ATG7: variants seen among roughly 807,000 people sequenced by gnomAD.
ATG7 encodes ubiquitin-like modifier-activating enzyme ATG7.
ATG7 carries 70 observed loss-of-function variants against 82.4 expected under a neutral mutation model. The ratio of observed to expected loss-of-function variants is 0.85; its 90% CI spans 0.70 to 1.04. The LOEUF (loss-of-function observed/expected upper bound fraction) is 1.04, where lower values mean the gene tolerates loss of function less well. Ranked by LOEUF, ATG7 falls within the 50% of genes least tolerant of loss-of-function variation. The pLI, the probability that ATG7 is intolerant of heterozygous loss-of-function variation, is 0.00. For missense variants in ATG7, 792 were observed against 864.3 expected (o/e 0.92, Z 1.05); for synonymous variants, 287 against 313.0 (o/e 0.92, Z 0.88).
intron 3 of ATG7, among the ~76,000 whole-genome samples, chr3:11,290,991 A>G (rs1944897787): frequency 6.6e-6 from 1 of 152,120 alleles, no homozygotes; most frequent in African/African-American, 2.4e-5. Context: ...CATGTCTGTT[A>G]TCTTTTAAGT....
At chr3:11,549,828 A>G (rs1401142461) in intron 20 of ATG7, among the ~76,000 whole-genome samples, 1 of 152,214 alleles carries the variant, frequency 6.6e-6, no homozygotes, top group Non-Finnish European at 1.5e-5. Context: ...TGGTTTTGCC[A>G]GTTTCCATCC....
intron 20 of ATG7, among the ~76,000 whole-genome samples, chr3:11,486,409 G>C (rs558648474): frequency 6.6e-6 from 1 of 152,314 alleles, no homozygotes; most frequent in South Asian, 2.1e-4. Context: ...CTTTGCTGAA[G>C]TTGCTTATCA....
chr3:11,451,691 G>A (rs1376659321), intron 20 of ATG7, among the ~76,000 whole-genome samples: 3 of 151,078 alleles, frequency 2.0e-5, no homozygotes, highest in East Asian at 1.9e-4. Context: ...CTATGAAGGC[G>A]GACACAGATT....
In ATG7 at chr3:11,313,317, A is replaced by G; in HGVS notation, c.425A>G (p.Tyr142Cys). ...LLLTFADLKK[Y>C]HFYYWFCYPA... is the part of the protein sequence containing the mutation. The stretch of plus-strand genomic sequence containing the variant: ...TTTTTTTTCTAGGATCTAAAGAAGT[A>G]CCACTTCTACTATTGGTTTTGCTAT... The change falls in exon 8 of 21, where the codon TAC (tyrosine) becomes TGC (cysteine). Residue 142 changes from tyrosine to cysteine, a missense_variant. Transcript: ENST00000693202. The G allele has an allele frequency of 6.2e-7, 1 of 1,602,556 alleles. No homozygotes were observed. The highest frequency in any genetic ancestry group is 8.5e-7 in the Non-Finnish European group (1 of 1,172,376).
chr3:11,377,192 G>C (rs2077483963), intron 18 of ATG7, among the ~76,000 whole-genome samples: 1 of 152,238 alleles, frequency 6.6e-6, no homozygotes. Context: ...CTTGCAGTCG[G>C]TTGAGAAGAA....
At chr3:11,532,956 T>C (rs923311132) in intron 20 of ATG7, among the ~76,000 whole-genome samples, 1 of 152,188 alleles carries the variant, frequency 6.6e-6, no homozygotes, top group African/African-American at 2.4e-5. Context: ...CAGCACTGCC[T>C]CACATGAACA....
chr3:11,453,285 T>C (rs1169645012), intron 20 of ATG7, among the ~76,000 whole-genome samples: 1 of 152,200 alleles, frequency 6.6e-6, no homozygotes, highest in African/African-American at 2.4e-5. Context: ...CTTTAGTAAC[T>C]TTTTTTCCAC....
rs965521803 is a variant in ATG7, at chr3:11,411,439, C to T, written c.1957-15365C>T. Among the ~76,000 whole-genome samples, 3 of 152,024 alleles carry T rather than the reference C, an allele frequency of 2.0e-5. No individual in the cohort carries two copies. The South Asian group carries it at 6.2e-4, about 32-fold the overall frequency. ...AAGAGATGGAGACCATCCTGGCCAA[C>T]ATGGTGAAACCCCGTCTCTAAAAAT... On this transcript the variant is annotated intron_variant, in intron 19 of 20. Coordinates refer to ENST00000693202, the MANE Select transcript of ATG7 (RefSeq NM_001349232.2).
intron 20 of ATG7, among the ~76,000 whole-genome samples, chr3:11,454,276 T>C (rs995304881): frequency 5.3e-5 from 8 of 152,002 alleles, no homozygotes; most frequent in Middle Eastern, 3.4e-3. Context: ...TGGCCCATGG[T>C]TGGGGCAAGG....
chr3:11,379,034 C>A (rs545765436), intron 18 of ATG7, among the ~76,000 whole-genome samples: 1 of 151,898 alleles, frequency 6.6e-6, no homozygotes, highest in African/African-American at 2.4e-5. Flanking sequence ...AAGCTCAGGC[C>A]GGGGGCAGGT....
chr3:11,568,726 G>T, the ATG7 span: 1 of 1,542,270 alleles, frequency 6.5e-7, no homozygotes, highest in Non-Finnish European at 8.7e-7. The surrounding 1 kb of genome is among the most constrained non-coding windows in gnomAD (Gnocchi z 5.9). Context: ...TCCCGGGGAC[G>T]GCAGAAAACC....
chr3:11,325,429 T>C (rs954445985), intron 9 of ATG7, among the ~76,000 whole-genome samples: 2 of 152,218 alleles, frequency 1.3e-5, no homozygotes, highest in Non-Finnish European at 1.5e-5. Context: ...CACAGCACTT[T>C]GGGAGGCCAA....
intron 20 of ATG7, among the ~76,000 whole-genome samples, chr3:11,553,843 A>G (rs2072089626): frequency 6.6e-6 from 1 of 152,086 alleles, no homozygotes; most frequent in South Asian, 2.1e-4. Context: ...GTTGATATTT[A>G]CCTTGGCCAG....
chr3:11,562,591 T>G (rs1489825350), downstream of ATG7, among the ~76,000 whole-genome samples: 2 of 152,228 alleles, frequency 1.3e-5, no homozygotes, highest in Non-Finnish European at 2.9e-5. Context: ...ACGTGGCTGC[T>G]TGGTGTCCTC....
intron 20 of ATG7, among the ~76,000 whole-genome samples, chr3:11,474,251 G>A (rs1015286105): frequency 2.6e-5 from 4 of 152,230 alleles, no homozygotes; most frequent in Admixed American, 2.0e-4. Context: ...TACTTTTCTA[G>A]TTCTATAAAT....
chr3:11,445,354 A>G (rs1216214122), intron 20 of ATG7, among the ~76,000 whole-genome samples: 2 of 152,238 alleles, frequency 1.3e-5, no homozygotes, highest in Non-Finnish European at 2.9e-5. Flanking sequence ...CATATACACC[A>G]TGGAATACTA....
rs1299318662 is a variant in ATG7, at chr3:11,434,996, CT to C, written c.2079+8077del. 3.3e-5 allele frequency among the ~76,000 whole-genome samples: 5 copies of C among 152,034 alleles called. No homozygotes were observed. In the East Asian group the frequency reaches 7.7e-4, roughly 23 times the overall value. On this transcript the variant is annotated intron_variant, in intron 20 of 20. Transcript: ENST00000693202. ...TGAGAGGATTGAATCATGTGAAATT[CT>C]TTTTTTAAGCCTCCTTTCTAGAAAA... is the stretch of plus-strand genomic sequence containing the variant.
At chr3:11,543,863 A>G (rs1409451290) in intron 20 of ATG7, among the ~76,000 whole-genome samples, 2 of 152,070 alleles carry the variant, frequency 1.3e-5, no homozygotes, top group Admixed American at 1.3e-4. Context: ...GACCCATTTC[A>G]TCTCTGCTGA....
intron 20 of ATG7, among the ~76,000 whole-genome samples, chr3:11,451,886 GACAC>G (rs34995509): frequency 4.8e-5 from 7 of 145,426 alleles, no homozygotes; most frequent in South Asian, 2.2e-4. Flanking sequence ...CACACACACA[GACAC>G]ACACACACAC....
Sources: gnomAD v4.1 joint callset for allele counts (sites outside exome capture counted in the v4.1 genomes callset) on GRCh38, gnomAD v4.1.1 for gene constraint, Gnocchi (gnomAD v3.1) non-coding constraint, MANE v1.5 for transcripts, NCBI Gene and HGNC (gene_info 2026-07-23, HGNC 2026-07-21) for gene names.